AGO2: variants seen among roughly 807,000 people sequenced by gnomAD.
AGO2 encodes protein argonaute-2.
A neutral mutation model predicts 102.3 loss-of-function variants in AGO2; 5 were observed. That is an observed-to-expected ratio of 0.05 (90% CI 0.03 to 0.10). The LOEUF is 0.10. Ranked by LOEUF, AGO2 falls within the 10% of genes least tolerant of loss-of-function variation. The pLI is 1.00. For missense variants in AGO2, 541 were observed against 1,183.7 expected (o/e 0.46, Z 7.97); for synonymous variants, 449 against 473.1 (o/e 0.95, Z 0.66).
intron 1 of AGO2, among the ~76,000 whole-genome samples, chr8:140,634,882 G>T (rs979647363): frequency 5.9e-5 from 9 of 152,146 alleles, no homozygotes; most frequent in Non-Finnish European, 1.3e-4. Context: ...GGGAAAAGGG[G>T]CCGAAGAAGT....
At chr8:140,552,852 G>A (rs1461227926) in intron 10 of AGO2, among the ~76,000 whole-genome samples, 1 of 152,270 alleles carries the variant, frequency 6.6e-6, no homozygotes, top group African/African-American at 2.4e-5. Context: ...GGGCTGTCCT[G>A]TGCCCTGTAG....
At chr8:140,565,356 A>G (rs1285348889) in intron 3 of AGO2, among the ~76,000 whole-genome samples, 2 of 140,646 alleles carry the variant, frequency 1.4e-5, no homozygotes, top group South Asian at 2.5e-4. Flanking sequence ...GGAGAATGGC[A>G]TGAACCTGGG....
At position 140,532,457 on chromosome 8, in the gene AGO2, G is replaced by T; in HGVS notation, c.2430C>A (p.Ala810=). ...PAPAYYAHLV[A]FRARYHLVDK... is the part of the protein sequence containing the mutation. ...CCACCAGGTGGTACCTGGCCCGGAA[G>T]GCCACCAGGTGAGCGTAGTATGCTG... is the stretch of plus-strand genomic sequence containing the variant. Residue 810 remains alanine, a synonymous_variant, in exon 18 of 19, where the codon GCC becomes GCA. Transcript: ENST00000220592. 1 of 1,614,228 alleles carries T rather than the reference G, an allele frequency of 6.2e-7. No individual in the cohort carries two copies. The highest frequency in any genetic ancestry group is 8.5e-7 in the Non-Finnish European group (1 of 1,180,046).
chr8:140,613,314 T>G (rs2074104577), intron 1 of AGO2, among the ~76,000 whole-genome samples: 1 of 152,236 alleles, frequency 6.6e-6, no homozygotes, highest in African/African-American at 2.4e-5. Context: ...AGGAAAAATG[T>G]AAAACTACGC....
At chr8:140,624,499 G>A (rs983300609) in intron 1 of AGO2, among the ~76,000 whole-genome samples, 9 of 152,220 alleles carry the variant, frequency 5.9e-5, no homozygotes, top group African/African-American at 1.4e-4. Context: ...AAAGACACTC[G>A]GAACAGAGGG....
At chr8:140,561,321 T>C (rs2073198448) in intron 4 of AGO2, among the ~76,000 whole-genome samples, 1 of 152,240 alleles carries the variant, frequency 6.6e-6, no homozygotes, top group Admixed American at 6.5e-5. Flanking sequence ...TACACGGCCC[T>C]TTCACTTTCC....
At position 140,634,901 on chromosome 8, in the gene AGO2, CAAG is replaced by C. The variant is rs540602127; in HGVS notation, c.22+581_22+583del. 1.5e-3 allele frequency among the ~76,000 whole-genome samples: 230 copies of C among 152,266 alleles called. 2 individuals carry two copies. Among genetic ancestry groups the C allele is most frequent in the South Asian group, 7.4e-3 (36 of 4,834 alleles). On this transcript the variant is annotated intron_variant, in intron 1 of 18. Coordinates refer to ENST00000220592, the MANE Select transcript of AGO2 (RefSeq NM_012154.5). Reference sequence around the variant, plus strand: ...AAAGGGGCCGAAGAAGTGCCGGCAACAAGAAGGGCCACAACGGAGCGCGCCACA... The same window carrying C: ...AAAGGGGCCGAAGAAGTGCCGGCAACAAGGGCCACAACGGAGCGCGCCACA...
intron 1 of AGO2, among the ~76,000 whole-genome samples, chr8:140,588,821 TAGAG>T (rs1175528882): frequency 1.3e-5 from 2 of 152,006 alleles, no homozygotes; most frequent in African/African-American, 4.8e-5. Flanking sequence ...ACCCATTCCT[TAGAG>T]AGCGAGTTCG....
At chr8:140,611,041 G>A (rs1444322825) in intron 1 of AGO2, among the ~76,000 whole-genome samples, 1 of 152,224 alleles carries the variant, frequency 6.6e-6, no homozygotes, top group Admixed American at 6.5e-5. Flanking sequence ...CAGGAGTTAG[G>A]AGTCTTCTGA....
At chr8:140,565,325 G>C (rs2073263287) in intron 3 of AGO2, among the ~76,000 whole-genome samples, 1 of 151,458 alleles carries the variant, frequency 6.6e-6, no homozygotes, top group East Asian at 1.9e-4. Flanking sequence ...TGTAGTCCCA[G>C]CTACTGGGGA....
intron 1 of AGO2, among the ~76,000 whole-genome samples, chr8:140,604,035 C>T (rs1406926987): frequency 6.6e-6 from 1 of 152,214 alleles, no homozygotes; most frequent in Non-Finnish European, 1.5e-5. Flanking sequence ...AGGCCCTAGC[C>T]AAGGTGGCCG....
intron 4 of AGO2, among the ~76,000 whole-genome samples, chr8:140,561,532 G>A (rs966558980): frequency 5.3e-5 from 8 of 152,148 alleles, no homozygotes; most frequent in Admixed American, 1.3e-4. Context: ...ACGTACCTAC[G>A]GCCTTCCTCC....
Position 140,555,751 on chromosome 8 carries a change from G to A in AGO2, c.1269+145C>T, listed in dbSNP as rs571511992. ...AAGCCATTCCTTTATGAAATCTCAC[G>A]TCTTTTACAGGCTCAGCCGGGAGTA... is the stretch of plus-strand genomic sequence containing the variant. On this transcript the variant is annotated intron_variant, in intron 10 of 18. Transcript: ENST00000220592. 147 of 1,198,086 alleles carry A rather than the reference G, an allele frequency of 1.2e-4. 1 individual carries two copies. In the African/African-American group the frequency reaches 1.3e-3, roughly 10 times the overall value. 74.2% of individuals were successfully genotyped at this position (1,198,086 alleles called of 1,614,324 possible).
intron 1 of AGO2, among the ~76,000 whole-genome samples, chr8:140,618,119 C>T (rs967802549): frequency 5.9e-5 from 9 of 151,762 alleles, no homozygotes; most frequent in Admixed American, 2.0e-4. Flanking sequence ...CTGGCCAACA[C>T]GGTGAAACCC....
intron 5 of AGO2, 147 bp from the exon 6 acceptor site, chr8:140,559,676 GC>G: frequency 1.9e-6 from 2 of 1,043,756 alleles, no homozygotes; most frequent in Non-Finnish European, 2.7e-6. Context: ...CTAGCCTCAG[GC>G]CCAGACACGG....
At chr8:140,558,598 G>C in intron 6 of AGO2, 26 bp from the exon 7 acceptor site, 2 of 1,611,870 alleles carry the variant, frequency 1.2e-6, no homozygotes, top group Non-Finnish European at 1.7e-6. Flanking sequence ...ACAGGCATCG[G>C]CATCGGGGCT....
chr8:140,531,902 C>T lies in AGO2; in HGVS notation c.*142G>A. Reference sequence around the variant, plus strand: ...TTTGAAATCTGGGACGGAAGGCATTCTGGAAAACGGAGAATCTAATAAAAT... The same window carrying T: ...TTTGAAATCTGGGACGGAAGGCATTTTGGAAAACGGAGAATCTAATAAAAT... On this transcript the variant is annotated 3_prime_UTR_variant, in exon 19 of 19. Coordinates refer to ENST00000220592, the MANE Select transcript of AGO2 (RefSeq NM_012154.5). 1.4e-6 allele frequency: 1 copy of T among 735,622 alleles called. No individual in the cohort carries two copies. Among genetic ancestry groups the T allele is most frequent in the Non-Finnish European group, 2.3e-6 (1 of 443,410 alleles). The allele number at this position is 735,622 out of a possible 1,614,324, so 45.6% of individuals were successfully genotyped here.
intron 1 of AGO2, among the ~76,000 whole-genome samples, chr8:140,609,349 G>A (rs938442324): frequency 1.3e-4 from 20 of 152,216 alleles, no homozygotes; most frequent in Non-Finnish European, 2.5e-4. Flanking sequence ...GTGGCCTGCC[G>A]GGTGGCCTGC....
chr8:140,563,423 A>G (rs1588460942), intron 3 of AGO2, among the ~76,000 whole-genome samples: 2 of 152,228 alleles, frequency 1.3e-5, no homozygotes, highest in East Asian at 1.9e-4. Flanking sequence ...TTTGGTAGAG[A>G]TGGAGCTTCA....
Sources: allele counts gnomAD v4.1 joint callset (sites outside exome capture counted in the v4.1 genomes callset), GRCh38; gene constraint gnomAD v4.1.1; transcripts MANE v1.5; gene names NCBI Gene and HGNC (gene_info 2026-07-23, HGNC 2026-07-21).